The following PSD3 variants were observed in gnomAD, a reference collection of about 807,000 sequenced individuals.
PSD3 encodes pleckstrin and Sec7 domain containing 3.
PSD3 carries 49 observed loss-of-function variants against 105.5 expected under a neutral mutation model. The observed-to-expected ratio is 0.46, with a 90% CI of 0.37 to 0.59. The LOEUF (loss-of-function observed/expected upper bound fraction) is 0.59. PSD3 is among the 20% of genes least tolerant of loss of function. The pLI, the probability that PSD3 is intolerant of heterozygous loss-of-function variation, is 0.00. For missense variants in PSD3, 1,561 were observed against 1,263.8 expected (o/e 1.24, Z -3.57); for synonymous variants, 557 against 457.8 (o/e 1.22, Z -2.77).
At chr8:18,888,092 G>C (rs906960355) in intron 2 of PSD3, among the ~76,000 whole-genome samples, 1 of 152,082 alleles carries the variant, frequency 6.6e-6, no homozygotes, top group African/African-American at 2.4e-5. Flanking sequence ...TGCCTCCAGG[G>C]GGATTCCTTG....
At chr8:18,581,846 G>A (rs995885422) in intron 12 of PSD3, among the ~76,000 whole-genome samples, 3 of 152,108 alleles carry the variant, frequency 2.0e-5, no homozygotes, top group South Asian at 2.1e-4. Context: ...CATTACTATC[G>A]TGATACTCCG....
At chr8:18,723,313 C>G (rs1162331791) in intron 9 of PSD3, among the ~76,000 whole-genome samples, 1 of 152,202 alleles carries the variant, frequency 6.6e-6, no homozygotes, top group Non-Finnish European at 1.5e-5. Context: ...ATAAGTAATA[C>G]TTAGGAATGA....
At chr8:18,706,434 A>C (rs1801902789) in intron 9 of PSD3, among the ~76,000 whole-genome samples, 1 of 152,242 alleles carries the variant, frequency 6.6e-6, no homozygotes, top group African/African-American at 2.4e-5. Context: ...AAACAACAGG[A>C]TAGGTCAACA....
chr8:18,881,955 C>A (rs1818131510), intron 2 of PSD3, among the ~76,000 whole-genome samples: 1 of 152,148 alleles, frequency 6.6e-6, no homozygotes, highest in Non-Finnish European at 1.5e-5. Flanking sequence ...CGCCTGTAAT[C>A]CCAACCCTTT....
intron 12 of PSD3, among the ~76,000 whole-genome samples, chr8:18,591,720 T>G (rs1170194914): frequency 6.6e-6 from 1 of 152,114 alleles, no homozygotes; most frequent in Non-Finnish European, 1.5e-5. Flanking sequence ...TCTGGCTTTT[T>G]GGAGGGCTAT....
chr8:18,664,873 G>A (rs1799355660), intron 9 of PSD3, among the ~76,000 whole-genome samples: 1 of 152,204 alleles, frequency 6.6e-6, no homozygotes, highest in South Asian at 2.1e-4. Context: ...TGCTCTTTAA[G>A]TGTAACAACA....
intron 11 of PSD3, among the ~76,000 whole-genome samples, chr8:18,619,611 C>G (rs73585811): frequency 0.067 from 10,179 of 151,644 alleles, 482 homozygotes; most frequent in African/African-American, 0.13. Flanking sequence ...CCACTGCACT[C>G]CAGCCTGGGC....
At chr8:18,832,446 C>T (rs1156753827) in intron 4 of PSD3, among the ~76,000 whole-genome samples, 1 of 152,060 alleles carries the variant, frequency 6.6e-6, no homozygotes, top group Non-Finnish European at 1.5e-5. Flanking sequence ...TTATTGGCCA[C>T]ACTCCTTTCA....
chr8:18,867,267 A>G (rs1053780787), intron 4 of PSD3, among the ~76,000 whole-genome samples: 4 of 152,192 alleles, frequency 2.6e-5, no homozygotes, highest in East Asian at 1.9e-4. Context: ...TTAATTTCCA[A>G]TGAAGGAATC....
intron 1 of PSD3, among the ~76,000 whole-genome samples, chr8:19,066,183 C>A (rs971734840): frequency 2.0e-5 from 3 of 152,082 alleles, no homozygotes; most frequent in African/African-American, 7.2e-5. Flanking sequence ...AAAGCAGTTC[C>A]CAACTGGTAG....
intron 12 of PSD3, among the ~76,000 whole-genome samples, chr8:18,575,571 C>T (rs1351032814): frequency 6.6e-6 from 1 of 151,890 alleles, no homozygotes; most frequent in Non-Finnish European, 1.5e-5. Flanking sequence ...TAAGTAAGGC[C>T]AAAGGCAGAA....
chr8:18,567,812 C>G (rs1801887528), intron 14 of PSD3, among the ~76,000 whole-genome samples: 1 of 152,078 alleles, frequency 6.6e-6, no homozygotes, highest in Non-Finnish European at 1.5e-5. Flanking sequence ...TAAGGTTATC[C>G]AATGATATAG....
intron 1 of PSD3, among the ~76,000 whole-genome samples, chr8:18,985,723 T>C: frequency 6.6e-6 from 1 of 152,180 alleles, no homozygotes; most frequent in Non-Finnish European, 1.5e-5. Flanking sequence ...ATGAAGTCAA[T>C]GGCACTTATC....
At chr8:18,633,393 G>T (rs1448266361) in intron 10 of PSD3, among the ~76,000 whole-genome samples, 1 of 152,002 alleles carries the variant, frequency 6.6e-6, no homozygotes, top group African/African-American at 2.4e-5. Context: ...GCTTTGGCAT[G>T]TGACAGCTGC....
At chr8:18,907,985 A>G (rs967985949) in intron 2 of PSD3, among the ~76,000 whole-genome samples, 1 of 152,254 alleles carries the variant, frequency 6.6e-6, no homozygotes, top group Non-Finnish European at 1.5e-5. Context: ...TAAGTATGCA[A>G]CGTGAAATGG....
At chr8:18,554,675 G>A (rs747971883) in intron 15 of PSD3, among the ~76,000 whole-genome samples, 1 of 152,092 alleles carries the variant, frequency 6.6e-6, no homozygotes, top group East Asian at 1.9e-4. Flanking sequence ...GCCTGGAAAT[G>A]AACTTAGGCT....
At chr8:18,565,142 C>T (rs1243252285) in intron 14 of PSD3, among the ~76,000 whole-genome samples, 1 of 152,142 alleles carries the variant, frequency 6.6e-6, no homozygotes, top group Admixed American at 6.6e-5. Flanking sequence ...TGAGCCCAGC[C>T]TGGACCTGAA....
chr8:18,937,143 A>AT (rs1255143709), intron 1 of PSD3, among the ~76,000 whole-genome samples: 22 of 152,244 alleles, frequency 1.4e-4, no homozygotes, highest in African/African-American at 4.6e-4. Flanking sequence ...GTCAAAAATC[A>AT]GGAGTGTCTC....
At chr8:18,746,033 A>C (rs1031908693) in intron 9 of PSD3, among the ~76,000 whole-genome samples, 6 of 152,254 alleles carry the variant, frequency 3.9e-5, no homozygotes, top group African/African-American at 1.4e-4. Flanking sequence ...AAGATAGTTT[A>C]AAGCCTGAAA....
Sources: gnomAD v4.1 joint callset for allele counts (sites outside exome capture counted in the v4.1 genomes callset) on GRCh38, gnomAD v4.1.1 for gene constraint, MANE v1.5 for transcripts, NCBI Gene and HGNC (gene_info 2026-07-23, HGNC 2026-07-21) for gene names.